The following SLC14A2 variants were observed in gnomAD, a reference collection of about 807,000 sequenced individuals.
SLC14A2 encodes solute carrier family 14 member 2, also known as urea transporter 2.
SLC14A2 carries 91 observed loss-of-function variants against 104.6 expected under a neutral mutation model. That is an observed-to-expected ratio of 0.87 (90% CI 0.73 to 1.04). The LOEUF is 1.04. Ranked by LOEUF, SLC14A2 falls within the 50% of genes least tolerant of loss-of-function variation. The pLI, the probability that SLC14A2 is intolerant of heterozygous loss-of-function variation, is 0.00. For missense variants in SLC14A2, 1,189 were observed against 1,156.0 expected, an observed-to-expected ratio of 1.03 and a Z score of -0.41; for synonymous variants, 476 against 466.4, an observed-to-expected ratio of 1.02 and a Z score of -0.27.
chr18:45,546,442 T>C lies in SLC14A2; in HGVS notation c.-35+63120T>C, dbSNP rs530330527. Among the ~76,000 whole-genome samples, 8 of 152,338 alleles carry C rather than the reference T, an allele frequency of 5.3e-5. No individual in the cohort carries two copies. The South Asian group carries it at 1.7e-3, about 32-fold the overall frequency. On this transcript the variant is annotated intron_variant, in intron 2 of 20. Coordinates refer to the SLC14A2 transcript ENST00000586448. ...GAATCGATGCAAACGAAATTGAATC[T>C]CTAGAGACACTGAGCTATGCTTTTA...
rs901926950 is a variant in SLC14A2, at chr18:45,350,581, A to G, written c.-124-132652A>G. 3.3e-5 allele frequency among the ~76,000 whole-genome samples: 5 copies of G among 152,172 alleles called. 1 individual carries two copies. In the South Asian group the frequency reaches 6.2e-4, roughly 19 times the overall value. On this transcript the variant is annotated intron_variant, in intron 1 of 20. Coordinates refer to the SLC14A2 transcript ENST00000586448. ...GTGTGTGGCTGGACTAGTTTATGTG[A>G]CGGGTCACACATTAGGTACCTAATT...
chr18:45,559,227 G>C (rs1294253479), intron 2 of SLC14A2, among the ~76,000 whole-genome samples: 1 of 152,168 alleles, frequency 6.6e-6, no homozygotes, highest in Non-Finnish European at 1.5e-5. Context: ...GTTAGTCAGA[G>C]AATGCTAAAA....
intron 1 of SLC14A2, among the ~76,000 whole-genome samples, chr18:45,446,978 A>G (rs916759504): frequency 6.6e-6 from 1 of 152,138 alleles, no homozygotes; most frequent in Non-Finnish European, 1.5e-5. Context: ...TAAAAGAAGC[A>G]GAGGAAGAGA....
intron 1 of SLC14A2, among the ~76,000 whole-genome samples, chr18:45,472,971 T>G (rs2087280590): frequency 6.6e-6 from 1 of 152,218 alleles, no homozygotes. Flanking sequence ...TCCTGAATGG[T>G]AATGCCTAGG....
chr18:45,227,045 A>C (rs542867049), intron 1 of SLC14A2, among the ~76,000 whole-genome samples: 1 of 152,216 alleles, frequency 6.6e-6, no homozygotes, highest in South Asian at 2.1e-4. Context: ...TCAAGGCAGG[A>C]AGAAGGAAAG....
At chr18:45,633,191 G>T (rs1035359172) in intron 5 of SLC14A2, among the ~76,000 whole-genome samples, 1 of 152,140 alleles carries the variant, frequency 6.6e-6, no homozygotes, top group African/African-American at 2.4e-5. Flanking sequence ...TAAGTCACTT[G>T]CCCCAAGTTG....
chr18:45,290,037 C>T (rs972054555), intron 1 of SLC14A2, among the ~76,000 whole-genome samples: 3 of 152,184 alleles, frequency 2.0e-5, no homozygotes, highest in African/African-American at 7.2e-5. Context: ...ATCTGTGGCT[C>T]ATCTTCCCTC....
chr18:45,252,537 G>A (rs1336088202), intron 1 of SLC14A2, among the ~76,000 whole-genome samples: 1 of 152,152 alleles, frequency 6.6e-6, no homozygotes, highest in Non-Finnish European at 1.5e-5. Flanking sequence ...CTAACAAGCA[G>A]GCAAACAAAT....
chr18:45,597,822 G>C (rs1307659960), intron 2 of SLC14A2, among the ~76,000 whole-genome samples: 1 of 152,200 alleles, frequency 6.6e-6, no homozygotes, highest in African/African-American at 2.4e-5. Flanking sequence ...CTTAGACTCA[G>C]TCACTTAGCA....
At chr18:45,558,544 C>T (rs570525607) in intron 2 of SLC14A2, among the ~76,000 whole-genome samples, 4 of 152,266 alleles carry the variant, frequency 2.6e-5, no homozygotes, top group African/African-American at 7.2e-5. Context: ...GAAGAAACCA[C>T]AAAAGCAGCA....
chr18:45,182,763 T>A, the SLC14A2 span, among the ~76,000 whole-genome samples: 1 of 152,124 alleles, frequency 6.6e-6, no homozygotes, highest in African/African-American at 2.4e-5. Context: ...CACACAGTTG[T>A]CTGAAAAGCA....
chr18:45,363,940 C>A (rs2085640858), intron 1 of SLC14A2, among the ~76,000 whole-genome samples: 1 of 152,162 alleles, frequency 6.6e-6, no homozygotes, highest in South Asian at 2.1e-4. Context: ...GGCCTCCTGC[C>A]TCCCCAGAAT....
chr18:45,205,011 C>T, the SLC14A2 span, among the ~76,000 whole-genome samples: 4 of 152,130 alleles, frequency 2.6e-5, no homozygotes, highest in African/African-American at 4.8e-5. Flanking sequence ...AGAACACCTC[C>T]ATAGGAAATG....
intron 1 of SLC14A2, among the ~76,000 whole-genome samples, chr18:45,356,646 A>G (rs902102638): frequency 3.3e-5 from 5 of 152,216 alleles, no homozygotes; most frequent in Non-Finnish European, 7.3e-5. Context: ...CTCAAACATC[A>G]AGATATGGGT....
rs150405398 is a variant in SLC14A2 at position 45,512,005 on chromosome 18, G to A, written c.-35+28683G>A. 3.3e-5 allele frequency among the ~76,000 whole-genome samples: 5 copies of A among 152,274 alleles called. No individual in the cohort carries two copies. The East Asian group carries it at 9.7e-4, about 29-fold the overall frequency. ...AAGAAAGAGGAAGGTAGAAAAATGG[G>A]CTCTCAGCTCTCAGGGAAGGAACCT... On this transcript the variant is annotated intron_variant, in intron 2 of 20. Transcript: ENST00000586448.
intron 2 of SLC14A2, among the ~76,000 whole-genome samples, chr18:45,526,464 A>G (rs2043595163): frequency 6.6e-6 from 1 of 152,164 alleles, no homozygotes; most frequent in Admixed American, 6.6e-5. Context: ...GCTTGGCACT[A>G]TGGATATGGA....
intron 1 of SLC14A2, among the ~76,000 whole-genome samples, chr18:45,226,672 G>T (rs911193995): frequency 2.2e-5 from 3 of 138,106 alleles, no homozygotes; most frequent in Admixed American, 2.2e-4. Context: ...CCTGTTGGGT[G>T]GGGGGAGGGG....
At chr18:45,262,277 T>C (rs967707414) in intron 1 of SLC14A2, among the ~76,000 whole-genome samples, 3 of 152,176 alleles carry the variant, frequency 2.0e-5, no homozygotes. Flanking sequence ...ATTTTATAGA[T>C]TAGGAAATTA....
chr18:45,217,466 G>T (rs1379574021), intron 1 of SLC14A2, among the ~76,000 whole-genome samples: 1 of 151,994 alleles, frequency 6.6e-6, no homozygotes, highest in African/African-American at 2.4e-5. Flanking sequence ...GTGAGGAATG[G>T]CTTTCTTTTA....
Sources: gnomAD v4.1 joint callset for allele counts (sites outside exome capture counted in the v4.1 genomes callset) on GRCh38, gnomAD v4.1.1 for gene constraint, MANE v1.5 for transcripts, NCBI Gene and HGNC (gene_info 2026-07-23, HGNC 2026-07-21) for gene names.